GCSH: variants seen among roughly 807,000 people sequenced by gnomAD.
GCSH encodes the protein glycine cleavage system H protein, mitochondrial.
GCSH carries 15 observed loss-of-function variants against 21.3 expected under a neutral mutation model. The observed-to-expected ratio is 0.70, with a 90% CI of 0.47 to 1.08. The LOEUF is 1.08. Among genes scored for constraint, GCSH ranks in the 50% least tolerant of loss-of-function variants. The pLI is 0.00. For synonymous variants in GCSH, 59 were observed against 84.5 expected, an observed-to-expected ratio of 0.70 and a Z score of 1.66; for missense variants, 179 against 217.5, an observed-to-expected ratio of 0.82 and a Z score of 1.11.
intron 3 of GCSH, 92 bp downstream of exon 3, chr16:81,087,508 AG>A: frequency 6.8e-5 from 61 of 897,752 alleles, no homozygotes; most frequent in Admixed American, 3.7e-4. Context: ...AAAAAAAAAA[AG>A]CACTCTAATT....
Position 81,082,908 on chromosome 16 carries a change from A to T in GCSH, c.480T>A (p.Ser160Arg). The T allele has an allele frequency of 6.5e-7, 1 of 1,530,478 alleles. No homozygotes were observed. Among genetic ancestry groups the T allele is most frequent in the Non-Finnish European group, 9.1e-7 (1 of 1,104,270 alleles). 94.8% of individuals were successfully genotyped at this position (1,530,478 alleles called of 1,614,324 possible). Residue 160 changes from serine (S) to arginine (R), a missense_variant, in exon 5 of 5, where the codon AGT becomes AGA. Ser to Arg is a moderately radical substitution (Grantham distance 110). Transcript: ENST00000315467. ...SNPSELDELM[S>R]EEAYEKYIKS... The stretch of plus-strand genomic sequence containing the variant: ...TTATGTATTTCTCATATGCTTCTTC[A>T]CTCATAAGTTCATCTAGTTCTGAAG...
intron 2 of GCSH, among the ~76,000 whole-genome samples, chr16:81,088,863 G>A (rs1407015836): frequency 6.6e-6 from 1 of 152,150 alleles, no homozygotes; most frequent in Non-Finnish European, 1.5e-5. Flanking sequence ...ACTCCAGAAA[G>A]AAGTGGTCTC....
In GCSH at chr16:81,082,633, C is replaced by T. The variant is rs1336459583; in HGVS notation, c.*233G>A. ...TGGATAATTTCATGAATTCTGAACA[C>T]TAGAGCCTAGTCTAAAAATCATAGG... On this transcript the variant is annotated 3_prime_UTR_variant, in exon 5 of 5. Coordinates refer to ENST00000315467, the MANE Select transcript of GCSH (RefSeq NM_004483.5). 1 of 407,186 alleles carries T rather than the reference C, an allele frequency of 2.5e-6. No individual in the cohort carries two copies. Among genetic ancestry groups the T allele is most frequent in the African/African-American group, 2.6e-5 (1 of 39,040 alleles). The allele number at this position is 407,186 out of a possible 1,614,324, so 25.2% of individuals were successfully genotyped here.
At chr16:81,095,320 G>A (rs186344957) in intron 1 of GCSH, among the ~76,000 whole-genome samples, 1 of 151,336 alleles carries the variant, frequency 6.6e-6, no homozygotes, top group Non-Finnish European at 1.5e-5. Flanking sequence ...GGAAATAGCT[G>A]AATCTTCAAA....
chr16:81,090,467 C>G (rs1445830662), intron 2 of GCSH, 134 bp downstream of exon 2: 1 of 710,440 alleles, frequency 1.4e-6, no homozygotes, highest in Non-Finnish European at 2.6e-6. Context: ...AGCAATCCTC[C>G]TGCCTCAGCC....
chr16:81,089,106 T>A (rs1972341436), intron 2 of GCSH, among the ~76,000 whole-genome samples: 1 of 152,200 alleles, frequency 6.6e-6, no homozygotes, highest in African/African-American at 2.4e-5. Context: ...GTCTGAGGAA[T>A]TTTGTACAGT....
At chr16:81,090,892 C>G in intron 1 of GCSH, 1 of 624,846 alleles carries the variant, frequency 1.6e-6, no homozygotes, top group Non-Finnish European at 2.9e-6. Flanking sequence ...ATGGCTTCAT[C>G]TGAACACCTT....
At chr16:81,085,014 TC>T (rs1972244337) in intron 3 of GCSH, among the ~76,000 whole-genome samples, 3 of 53,990 alleles carry the variant, frequency 5.6e-5, no homozygotes, top group African/African-American at 1.9e-4. Flanking sequence ...TGCACCTGGC[TC>T]TTTTTTTTTT....
rs754137065 is a variant in GCSH at position 81,082,940 on chromosome 16, T to C, written c.448A>G (p.Ser150Gly). The change falls in exon 5 of 5, where the codon AGT (serine) becomes GGT (glycine). Residue 150 changes from serine to glycine, a missense_variant. Coordinates refer to ENST00000315467, the MANE Select transcript of GCSH (RefSeq NM_004483.5). ...EDGWLIKMTL[S>G]NPSELDELMS... The stretch of plus-strand genomic sequence containing the variant: ...AGTTCATCTAGTTCTGAAGGGTTAC[T>C]CAGTGTCATCTTGATCAGCCAACCT... 6.4e-7 allele frequency: 1 copy of C among 1,573,438 alleles called. No homozygotes were observed. The highest frequency in any genetic ancestry group is 8.7e-7 in the Non-Finnish European group (1 of 1,143,140).
At chr16:81,083,239 C>A in intron 4 of GCSH, 1 of 410,086 alleles carries the variant, frequency 2.4e-6, no homozygotes, top group South Asian at 2.2e-5. Flanking sequence ...CTTTAAGGGC[C>A]GGGCACGGTG....
At chr16:81,087,778 A>G (rs1326132155) in intron 2 of GCSH, 114 bp from the exon 3 acceptor site, 5 of 756,420 alleles carry the variant, frequency 6.6e-6, no homozygotes, top group Non-Finnish European at 1.1e-5. Context: ...TATATATTTT[A>G]TACTGGAGGG....
intron 4 of GCSH, chr16:81,083,330 C>T: frequency 3.7e-6 from 1 of 271,602 alleles, no homozygotes; most frequent in Non-Finnish European, 7.2e-6. Context: ...CCAGCCTGGC[C>T]AACATAGTGG....
At chr16:81,089,530 A>AGGT (rs1037062144) in intron 2 of GCSH, among the ~76,000 whole-genome samples, 3 of 152,158 alleles carry the variant, frequency 2.0e-5, no homozygotes, top group African/African-American at 7.2e-5. Flanking sequence ...CATACAGCCA[A>AGGT]GGTGTGTAAT....
chr16:81,090,594 C>G lies in GCSH; in HGVS notation c.228+7G>C. 1 of 1,554,420 alleles carries G rather than the reference C, an allele frequency of 6.4e-7. No homozygotes were observed. Among genetic ancestry groups the G allele is most frequent in the Middle Eastern group, 1.9e-4 (1 of 5,258 alleles). On this transcript the variant is annotated splice_region_variant and intron_variant, in intron 2 of 4. Coordinates refer to ENST00000315467, the MANE Select transcript of GCSH (RefSeq NM_004483.5). ...ACTGGGACAAATATTTCAATATAAT[C>G]CAATACCTGTGCAAAATTGCTGATT...
intron 2 of GCSH, among the ~76,000 whole-genome samples, chr16:81,089,429 G>T (rs541276738): frequency 4.5e-4 from 68 of 151,470 alleles, no homozygotes; most frequent in African/African-American, 1.6e-3. Context: ...CCTTTTCTGT[G>T]TTTTGATAGG....
intron 4 of GCSH, 120 bp downstream of exon 4, chr16:81,084,343 T>C (rs1972228535): frequency 1.2e-6 from 1 of 800,022 alleles, no homozygotes; most frequent in Admixed American, 2.0e-5. Context: ...GCAGAACATC[T>C]CTATTTAGTA....
chr16:81,095,923 G>C (rs908096010), intron 1 of GCSH, among the ~76,000 whole-genome samples: 3 of 152,206 alleles, frequency 2.0e-5, no homozygotes, highest in African/African-American at 7.2e-5. Context: ...CTAGGGCAAA[G>C]GCTACTCGCG....
intron 4 of GCSH, 101 bp downstream of exon 4, chr16:81,084,362 T>G: frequency 1.1e-6 from 1 of 885,750 alleles, no homozygotes; most frequent in Non-Finnish European, 1.9e-6. Context: ...TACCAAGAAG[T>G]AGAAAAAGAT....
At chr16:81,089,437 A>C (rs1376355938) in intron 2 of GCSH, among the ~76,000 whole-genome samples, 1 of 151,352 alleles carries the variant, frequency 6.6e-6, no homozygotes, top group African/African-American at 2.5e-5. Context: ...GTGTTTTGAT[A>C]GGCCAAGTGT....
Sources: allele counts gnomAD v4.1 joint callset (sites outside exome capture counted in the v4.1 genomes callset), GRCh38; gene constraint gnomAD v4.1.1; transcripts MANE v1.5; gene names NCBI Gene and HGNC (gene_info 2026-07-23, HGNC 2026-07-21).